CATSPERB: variants seen among roughly 807,000 people sequenced by gnomAD.
The protein encoded by CATSPERB is cation channel sperm-associated auxiliary subunit beta.
In CATSPERB, 93 loss-of-function variants were observed where a neutral mutation model predicts 128.3. The ratio of observed to expected loss-of-function variants is 0.72; its 90% CI spans 0.61 to 0.86. CATSPERB has a LOEUF of 0.86. CATSPERB is among the 40% of genes least tolerant of loss of function. The probability of loss-of-function intolerance (pLI) is 0.00; values close to 1 mark genes in which losing one functional copy is unlikely to be tolerated. For missense variants in CATSPERB, 1,153 were observed against 1,329.5 expected (o/e 0.87, Z 2.06); for synonymous variants, 381 against 448.8 (o/e 0.85, Z 1.91).
intron 2 of CATSPERB, among the ~76,000 whole-genome samples, chr14:91,725,847 CAGA>C (rs1166069687): frequency 6.6e-6 from 1 of 152,188 alleles, no homozygotes; most frequent in Non-Finnish European, 1.5e-5. Flanking sequence ...TTTTCGTGCC[CAGA>C]AGTTGCCTTT....
At chr14:91,663,202 A>C (rs547619286) in intron 14 of CATSPERB, among the ~76,000 whole-genome samples, 16 of 152,262 alleles carry the variant, frequency 1.1e-4, no homozygotes, top group African/African-American at 3.6e-4. Context: ...GACCTAACCA[A>C]ATAAGAAAAC....
intron 14 of CATSPERB, among the ~76,000 whole-genome samples, chr14:91,666,258 C>T (rs1894981202): frequency 6.6e-6 from 1 of 152,200 alleles, no homozygotes; most frequent in Non-Finnish European, 1.5e-5. Flanking sequence ...CTTATCCTTG[C>T]CCTAAGACAT....
intron 19 of CATSPERB, among the ~76,000 whole-genome samples, chr14:91,621,274 C>A (rs1894036841): frequency 6.6e-6 from 1 of 152,276 alleles, no homozygotes; most frequent in African/African-American, 2.4e-5. Flanking sequence ...GTGGTGTACA[C>A]TTGTAATCCC....
chr14:91,608,490 A>T, intron 21 of CATSPERB, 86 bp from the exon 22 acceptor site: 1 of 834,934 alleles, frequency 1.2e-6, no homozygotes, highest in Non-Finnish European at 1.9e-6. Context: ...AAAACCAATC[A>T]AGGCAAAAAT....
chr14:91,595,654 G>A (rs905529717), intron 22 of CATSPERB, among the ~76,000 whole-genome samples: 2 of 152,078 alleles, frequency 1.3e-5, no homozygotes, highest in Non-Finnish European at 2.9e-5. Flanking sequence ...CACAAAATAT[G>A]AGGCCAGTTT....
chr14:91,632,912 C>T (rs1275797378), intron 17 of CATSPERB, among the ~76,000 whole-genome samples: 1 of 152,068 alleles, frequency 6.6e-6, no homozygotes, highest in Non-Finnish European at 1.5e-5. Flanking sequence ...GGAAGGTGTC[C>T]TCCTTGCACC....
chr14:91,688,243 T>C (rs1201859615), intron 10 of CATSPERB, among the ~76,000 whole-genome samples: 2 of 152,234 alleles, frequency 1.3e-5, no homozygotes, highest in Non-Finnish European at 2.9e-5. Flanking sequence ...TTTGGTTCTT[T>C]TGTCTTAAGT....
intron 24 of CATSPERB, 95 bp downstream of exon 24, chr14:91,589,437 CTT>C: frequency 8.0e-7 from 1 of 1,246,922 alleles, no homozygotes; most frequent in Non-Finnish European, 1.1e-6. Context: ...TCCTGGCTCT[CTT>C]TTGTGTGAAC....
At chr14:91,587,160 C>G in intron 26 of CATSPERB, 42 bp downstream of exon 26, 4 of 1,473,574 alleles carry the variant, frequency 2.7e-6, no homozygotes, top group Non-Finnish European at 3.7e-6. Flanking sequence ...CATGTTTTTT[C>G]CCCAGCCATC....
chr14:91,694,042 G>T (rs1448759210), intron 7 of CATSPERB, among the ~76,000 whole-genome samples: 2 of 151,966 alleles, frequency 1.3e-5, no homozygotes, highest in African/African-American at 4.8e-5. Context: ...CACTTCCTTT[G>T]TGAAAATGGT....
chr14:91,726,222 C>T (rs183886430), intron 2 of CATSPERB, among the ~76,000 whole-genome samples: 222 of 152,290 alleles, frequency 1.5e-3, no homozygotes, highest in African/African-American at 5.1e-3. Context: ...ACACTTAAAC[C>T]GTCCGTGGAC....
intron 20 of CATSPERB, among the ~76,000 whole-genome samples, chr14:91,615,092 G>A (rs1196049987): frequency 6.6e-6 from 1 of 152,018 alleles, no homozygotes; most frequent in Non-Finnish European, 1.5e-5. Flanking sequence ...TTGTACCCCA[G>A]GGGTCCCCAA....
chr14:91,715,901 T>A (rs1040665183), intron 5 of CATSPERB, among the ~76,000 whole-genome samples: 1 of 152,150 alleles, frequency 6.6e-6, no homozygotes, highest in African/African-American at 2.4e-5. Context: ...AAAATTAACA[T>A]TGGCCCATAT....
intron 14 of CATSPERB, among the ~76,000 whole-genome samples, chr14:91,666,164 G>A (rs1265587531): frequency 1.3e-5 from 2 of 152,210 alleles, no homozygotes; most frequent in Admixed American, 1.3e-4. Flanking sequence ...GCCCAGCTTT[G>A]CCTACAGCAG....
chr14:91,603,085 T>C (rs1893635125), intron 22 of CATSPERB: 1 of 786,864 alleles, frequency 1.3e-6, no homozygotes, highest in Non-Finnish European at 2.4e-6. Context: ...CTTTTTTACA[T>C]TTATTTCTTG....
At chr14:91,679,791 A>G (rs548975143) in intron 11 of CATSPERB, among the ~76,000 whole-genome samples, 9 of 152,326 alleles carry the variant, frequency 5.9e-5, no homozygotes, top group Admixed American at 4.6e-4. Context: ...AAATTAATCA[A>G]TGCAAGTCTG....
At chr14:91,637,370 T>C (rs1013304257) in intron 16 of CATSPERB, among the ~76,000 whole-genome samples, 3 of 152,072 alleles carry the variant, frequency 2.0e-5, no homozygotes, top group African/African-American at 7.2e-5. Context: ...AAATGGGAAA[T>C]AGATGCCAGG....
chr14:91,661,397 T>G (rs553419909), intron 14 of CATSPERB, among the ~76,000 whole-genome samples: 10 of 152,116 alleles, frequency 6.6e-5, no homozygotes, highest in African/African-American at 2.4e-4. Context: ...TTAAAAGTTG[T>G]ACCCAAATTT....
intron 21 of CATSPERB, among the ~76,000 whole-genome samples, chr14:91,609,291 T>G (rs1030628688): frequency 6.6e-6 from 1 of 152,146 alleles, no homozygotes; most frequent in African/African-American, 2.4e-5. Flanking sequence ...TATTTAAGGT[T>G]TACAGTATTA....
Sources: gnomAD v4.1 joint callset for allele counts (sites outside exome capture counted in the v4.1 genomes callset) on GRCh38, gnomAD v4.1.1 for gene constraint, MANE v1.5 for transcripts, NCBI Gene and HGNC (gene_info 2026-07-23, HGNC 2026-07-21) for gene names.